Variants in NPHP4 observed in about 807,000 individuals in gnomAD.
NPHP4 encodes nephrocystin-4.
Under a neutral mutation model 155.8 loss-of-function variants are expected in NPHP4, and 151 were observed. The ratio of observed to expected loss-of-function variants is 0.97; its 90% CI spans 0.85 to 1.11. The LOEUF is 1.11. NPHP4 is among the 50% of genes least tolerant of loss of function. The pLI is 0.00. For synonymous variants in NPHP4, 845 were observed against 816.8 expected (o/e 1.03, Z -0.59); for missense variants, 1,956 against 1,925.7 (o/e 1.02, Z -0.29).
chr1:5,927,285 G>C (rs1290714278), intron 11 of NPHP4, among the ~76,000 whole-genome samples: 2 of 152,120 alleles, frequency 1.3e-5, no homozygotes, highest in Non-Finnish European at 2.9e-5. Flanking sequence ...GTAGACAGAC[G>C]GCTACTTCAA....
At chr1:5,989,440 A>G (rs1347465575) in intron 1 of NPHP4, among the ~76,000 whole-genome samples, 1 of 152,154 alleles carries the variant, frequency 6.6e-6, no homozygotes, top group Non-Finnish European at 1.5e-5. Context: ...CCAGGCTCAC[A>G]TGGCCCCTGT....
chr1:5,979,957 T>G (rs934315788), intron 2 of NPHP4, among the ~76,000 whole-genome samples: 2 of 152,116 alleles, frequency 1.3e-5, no homozygotes. Flanking sequence ...AACCAACCCG[T>G]CCAGAGACCA....
chr1:5,867,092 C>T lies in NPHP4; in HGVS notation c.3496G>A (p.Glu1166Lys). ...CAGCGAACATGGACTGGGGGGTCCTCACCAAGCATTCCCACCGGAGCACCT... is the reference window on the plus strand; with the variant it reads ...CAGCGAACATGGACTGGGGGGTCCTTACCAAGCATTCCCACCGGAGCACCT... ...FPGAPVGMLG[E>K]DPPVHVRCSD... Residue 1166 changes from glutamate to lysine, a missense_variant, in exon 25 of 30, where the codon GAG becomes AAG. Coordinates refer to ENST00000378156, the MANE Select transcript of NPHP4 (RefSeq NM_015102.5). The surrounding 1 kb of genome is among the most constrained non-coding windows in gnomAD (Gnocchi z 4.1). 9 of 1,612,766 alleles carry T rather than the reference C, an allele frequency of 5.6e-6. No individual in the cohort carries two copies. The highest frequency in any genetic ancestry group is 7.6e-6 in the Non-Finnish European group (9 of 1,179,398).
At chr1:5,990,631 GCTAGCTATTATAA>G (rs1656099669) in intron 1 of NPHP4, among the ~76,000 whole-genome samples, 1 of 152,136 alleles carries the variant, frequency 6.6e-6, no homozygotes, top group South Asian at 2.1e-4. Context: ...AGGTCACACA[GCTAGCTATTATAA>G]CTAGCTATTA....
intron 2 of NPHP4, among the ~76,000 whole-genome samples, chr1:5,978,948 G>A (rs1299351028): frequency 1.3e-5 from 2 of 152,198 alleles, no homozygotes; most frequent in Non-Finnish European, 2.9e-5. Context: ...AGATTTTGGG[G>A]TGACATTGGC....
intron 16 of NPHP4, among the ~76,000 whole-genome samples, chr1:5,897,234 G>C (rs1392234004): frequency 6.6e-6 from 1 of 152,162 alleles, no homozygotes. Context: ...CGCAAGCAAA[G>C]CTCAGCCCAG....
chr1:5,973,299 C>T (rs915578880), intron 3 of NPHP4, among the ~76,000 whole-genome samples: 1 of 152,274 alleles, frequency 6.6e-6, no homozygotes, highest in African/African-American at 2.4e-5. Context: ...TACCTCAACT[C>T]CGACGCCCAT....
chr1:5,979,201 T>C (rs568833698), intron 2 of NPHP4, among the ~76,000 whole-genome samples: 1 of 152,366 alleles, frequency 6.6e-6, no homozygotes, highest in Non-Finnish European at 1.5e-5. Context: ...TAGTAAACGT[T>C]ACTTACACAT....
At chr1:5,980,664 C>T (rs1363284958) in intron 2 of NPHP4, among the ~76,000 whole-genome samples, 2 of 152,096 alleles carry the variant, frequency 1.3e-5, no homozygotes, top group African/African-American at 2.4e-5. Context: ...GCAGGAGTGG[C>T]TGCGTGGTCA....
At chr1:5,922,535 G>A (rs991891366) in intron 11 of NPHP4, among the ~76,000 whole-genome samples, 2 of 151,436 alleles carry the variant, frequency 1.3e-5, no homozygotes, top group African/African-American at 4.9e-5. Context: ...GGCTATTCTT[G>A]ACTATGGTTT....
chr1:5,918,594 A>G (rs984672792), intron 11 of NPHP4, among the ~76,000 whole-genome samples: 3 of 152,234 alleles, frequency 2.0e-5, no homozygotes, highest in Admixed American at 6.5e-5. Context: ...CTTTGAAGAG[A>G]CTAATGAAAT....
At chr1:5,903,969 A>G (rs755374664) in intron 16 of NPHP4, among the ~76,000 whole-genome samples, 1 of 152,224 alleles carries the variant, frequency 6.6e-6, no homozygotes, top group Non-Finnish European at 1.5e-5. Context: ...AAAAAAAAGC[A>G]TCTAATCATG....
Position 5,904,710 on chromosome 1 carries a change from G to A in NPHP4, c.2050C>T (p.Gln684Ter). Reference sequence around the variant, plus strand: ...CCGGCCTCATCCAGCTGGACCAGCTGCAGTCGTGGCGTCGTTGCGGGTGGG... The same window carrying A: ...CCGGCCTCATCCAGCTGGACCAGCTACAGTCGTGGCGTCGTTGCGGGTGGG... ...RFPPATTPRL[Q>*]LVQLDEAGQP... The change falls in exon 16 of 30, where the codon CAG becomes TAG. Residue 684 changes from glutamine to a stop codon, truncating the protein, a stop_gained. Transcript: ENST00000378156. LOFTEE classifies it high-confidence loss of function. The A allele has an allele frequency of 6.2e-7, 1 of 1,614,052 alleles. No individual in the cohort carries two copies. Among genetic ancestry groups the A allele is most frequent in the Non-Finnish European group, 8.5e-7 (1 of 1,179,892 alleles).
In NPHP4 at chr1:5,909,240, G is replaced by A. The variant is rs577363099; in HGVS notation, c.1442-27C>T. ...TGGGAGGAAGCACAGTGGGGTAGGA[G>A]AGGGAATGTGTCAGCCTGTGTTGGG... On this transcript the variant is annotated intron_variant, in intron 11 of 29. Transcript: ENST00000378156. The A allele has an allele frequency of 1.1e-4, 170 of 1,580,894 alleles. 2 individuals carry two copies. In the South Asian group the frequency reaches 1.9e-3, roughly 18 times the overall value.
intron 7 of NPHP4, among the ~76,000 whole-genome samples, chr1:5,950,294 C>A (rs1171720524): frequency 1.3e-5 from 2 of 152,180 alleles, no homozygotes; most frequent in African/African-American, 4.8e-5. Flanking sequence ...GGCAGCATAA[C>A]AGACCGCACC....
chr1:5,912,565 A>G (rs573868368), intron 11 of NPHP4, among the ~76,000 whole-genome samples: 1 of 152,138 alleles, frequency 6.6e-6, no homozygotes, highest in Non-Finnish European at 1.5e-5. Flanking sequence ...AGAAAAAAGA[A>G]AAAAGAAAAA....
intron 2 of NPHP4, among the ~76,000 whole-genome samples, chr1:5,979,846 C>T (rs1654357476): frequency 6.6e-6 from 1 of 152,142 alleles, no homozygotes; most frequent in Non-Finnish European, 1.5e-5. Flanking sequence ...TACTGATGCT[C>T]TGGCATCTGG....
chr1:5,952,096 C>T (rs952221465), intron 7 of NPHP4, among the ~76,000 whole-genome samples: 1 of 152,184 alleles, frequency 6.6e-6, no homozygotes, highest in Non-Finnish European at 1.5e-5. Context: ...CAGACAGGAA[C>T]AGCAGGGAGT....
intron 4 of NPHP4, among the ~76,000 whole-genome samples, 193 bp downstream of exon 4, chr1:5,968,894 C>A (rs990232324): frequency 2.0e-5 from 3 of 151,816 alleles, no homozygotes; most frequent in Non-Finnish European, 4.4e-5. Context: ...ATCAGCTGGG[C>A]GTGGCACCTG....
Sources: gnomAD v4.1 joint callset for allele counts (sites outside exome capture counted in the v4.1 genomes callset) on GRCh38, gnomAD v4.1.1 for gene constraint, Gnocchi (gnomAD v3.1) non-coding constraint, MANE v1.5 for transcripts, NCBI Gene and HGNC (gene_info 2026-07-23, HGNC 2026-07-21) for gene names.